GTF2I: variants seen among roughly 807,000 people sequenced by gnomAD.
GTF2I encodes general transcription factor IIi.
Under a neutral mutation model 67.6 loss-of-function variants are expected in GTF2I, and 12 were observed. The ratio of observed to expected loss-of-function variants is 0.18; its 90% CI spans 0.11 to 0.29. The LOEUF (loss-of-function observed/expected upper bound fraction) is 0.29. Among genes scored for constraint, GTF2I ranks in the 10% least tolerant of loss-of-function variants. The pLI is 1.00. For missense variants in GTF2I, 271 were observed against 580.1 expected, an observed-to-expected ratio of 0.47 and a Z score of 5.47; for synonymous variants, 149 against 197.0, an observed-to-expected ratio of 0.76 and a Z score of 2.04.
At chr7:74,697,578 C>T (rs2131322725) in intron 3 of GTF2I, among the ~76,000 whole-genome samples, 1 of 152,120 alleles carries the variant, frequency 6.6e-6, no homozygotes, top group African/African-American at 2.4e-5. Context: ...TGTCGATAAT[C>T]TTCTCATATT....
intron 1 of GTF2I, among the ~76,000 whole-genome samples, chr7:74,688,441 T>C (rs1471773937): frequency 6.6e-6 from 1 of 152,110 alleles, no homozygotes; most frequent in African/African-American, 2.4e-5. Flanking sequence ...TAACATAAAA[T>C]TTACACTTCT....
At chr7:74,723,448 T>TTTTTTTTTTTTTTTTTTG (rs1793342492) in intron 12 of GTF2I, among the ~76,000 whole-genome samples, 1 of 143,624 alleles carries the variant, frequency 7.0e-6, no homozygotes, top group African/African-American at 2.6e-5. Context: ...TTTTTTTTTT[T>TTTTTTTTTTTTTTTTTTG]AAGACGGAGT....
At chr7:74,663,431 A>C (rs925387460) in intron 1 of GTF2I, among the ~76,000 whole-genome samples, 1 of 152,098 alleles carries the variant, frequency 6.6e-6, no homozygotes, top group East Asian at 1.9e-4. Flanking sequence ...GATTACAGGC[A>C]TGTGCCACCA....
intron 1 of GTF2I, among the ~76,000 whole-genome samples, chr7:74,681,255 C>T (rs928943856): frequency 3.3e-5 from 5 of 151,920 alleles, no homozygotes; most frequent in African/African-American, 9.7e-5. Context: ...ACCAACATGA[C>T]GAAACCCCAT....
intron 8 of GTF2I, among the ~76,000 whole-genome samples, chr7:74,709,038 G>A (rs1791163157): frequency 6.6e-6 from 1 of 152,170 alleles, no homozygotes; most frequent in South Asian, 2.1e-4. Context: ...ACCTATTTGA[G>A]TAATCTCTAG....
At chr7:74,699,331 C>T (rs868931557) in intron 4 of GTF2I, 10 of 208,036 alleles carry the variant, frequency 4.8e-5, no homozygotes, top group African/African-American at 1.2e-4. Context: ...CTCGCTCTGT[C>T]GCCCAGGCTG....
At chr7:74,695,692 C>A (rs888441064) in intron 3 of GTF2I, among the ~76,000 whole-genome samples, 3 of 151,980 alleles carry the variant, frequency 2.0e-5, no homozygotes, top group Non-Finnish European at 4.4e-5. Context: ...ATCTTCTAAG[C>A]TTTATGTTAG....
At chr7:74,665,960 T>G (rs782185996) in intron 1 of GTF2I, among the ~76,000 whole-genome samples, 4 of 152,148 alleles carry the variant, frequency 2.6e-5, no homozygotes, top group Non-Finnish European at 5.9e-5. Flanking sequence ...CTGTCTTAGC[T>G]TCCCAAGTAG....
intron 1 of GTF2I, among the ~76,000 whole-genome samples, chr7:74,688,487 G>T (rs1787944082): frequency 6.6e-6 from 1 of 151,964 alleles, no homozygotes; most frequent in Admixed American, 6.6e-5. Context: ...ACGGAGTTTT[G>T]CTCTTGTCAC....
chr7:74,731,761 T>A (rs1794505160), intron 14 of GTF2I, among the ~76,000 whole-genome samples: 1 of 149,048 alleles, frequency 6.7e-6, no homozygotes, highest in Admixed American at 6.7e-5. Context: ...GCCAGGCTGG[T>A]CTTGAACTCC....
At chr7:74,702,200 C>G (rs928150411) in intron 6 of GTF2I, among the ~76,000 whole-genome samples, 1 of 151,272 alleles carries the variant, frequency 6.6e-6, no homozygotes, top group South Asian at 2.1e-4. Context: ...AGTGCAATTA[C>G]TAGGAATAGG....
intron 1 of GTF2I, among the ~76,000 whole-genome samples, chr7:74,661,480 G>T (rs1554386529): frequency 6.6e-6 from 1 of 152,134 alleles, no homozygotes; most frequent in Non-Finnish European, 1.5e-5. Context: ...AGGAGTTGGA[G>T]ACCAGCCTGC....
Position 74,694,880 on chromosome 7 carries a change from T to A in GTF2I, c.238+3769T>A, listed in dbSNP as rs1008305139. Reference sequence around the variant, plus strand: ...GCTGGTTACTTTGAAGCCATGTTCATTTACCATTCTGAAAATCCTGGGGTC... The same window carrying A: ...GCTGGTTACTTTGAAGCCATGTTCAATTACCATTCTGAAAATCCTGGGGTC... On this transcript the variant is annotated intron_variant, in intron 3 of 34. Transcript: ENST00000573035. Among the ~76,000 whole-genome samples, 4 of 152,324 alleles carry A rather than the reference T, an allele frequency of 2.6e-5. No individual in the cohort carries two copies. In the South Asian group the frequency reaches 6.2e-4, roughly 24 times the overall value.
intron 2 of GTF2I, 45 bp from the exon 3 acceptor site, chr7:74,690,928 C>G: frequency 6.3e-7 from 1 of 1,577,542 alleles, no homozygotes; most frequent in Non-Finnish European, 8.6e-7. Flanking sequence ...AAATGATGCT[C>G]TTAAACGTCC....
intron 1 of GTF2I, among the ~76,000 whole-genome samples, chr7:74,659,583 T>G (rs1584045330): frequency 2.0e-5 from 3 of 151,688 alleles, no homozygotes; most frequent in African/African-American, 7.3e-5. Context: ...GAGATGGCGT[T>G]TCACCATGTT....
intron 1 of GTF2I, among the ~76,000 whole-genome samples, chr7:74,670,699 CAAAA>C (rs1168333438): frequency 4.4e-5 from 4 of 91,032 alleles, no homozygotes; most frequent in Middle Eastern, 4.7e-3. Context: ...CAAAAAAAAA[CAAAA>C]AAAAAACAAA....
At chr7:74,707,770 A>T (rs1324080977) in intron 8 of GTF2I, among the ~76,000 whole-genome samples, 1 of 152,130 alleles carries the variant, frequency 6.6e-6, no homozygotes, top group Non-Finnish European at 1.5e-5. Flanking sequence ...CATCTCCTGA[A>T]TATTTAGTTT....
chr7:74,673,471 C>G (rs758616067), intron 1 of GTF2I, among the ~76,000 whole-genome samples: 6 of 151,464 alleles, frequency 4.0e-5, no homozygotes, highest in Non-Finnish European at 8.8e-5. Flanking sequence ...AACCTCTGCC[C>G]CTCAGGTTCA....
chr7:74,672,357 A>G (rs1805537710), intron 1 of GTF2I, among the ~76,000 whole-genome samples: 1 of 152,096 alleles, frequency 6.6e-6, no homozygotes, highest in Non-Finnish European at 1.5e-5. Context: ...CCTGGGCAAC[A>G]TGGTGAAACC....
Sources: allele counts gnomAD v4.1 joint callset (sites outside exome capture counted in the v4.1 genomes callset), GRCh38; gene constraint gnomAD v4.1.1; transcripts MANE v1.5; gene names NCBI Gene and HGNC (gene_info 2026-07-23, HGNC 2026-07-21).